The following LARS1 variants were observed in gnomAD, a reference collection of about 807,000 sequenced individuals.
LARS1 encodes the protein leucine--tRNA ligase, cytoplasmic.
In LARS1, 100 loss-of-function variants were observed where a neutral mutation model predicts 162.8. The ratio of observed to expected loss-of-function variants is 0.61; its 90% CI spans 0.52 to 0.73. LARS1 has a LOEUF of 0.73. LARS1 is among the 30% of genes least tolerant of loss of function. LARS1 has a pLI of 0.00. For missense variants in LARS1, 1,258 were observed against 1,408.9 expected (o/e 0.89, Z 1.71); for synonymous variants, 457 against 462.8 (o/e 0.99, Z 0.16).
chr5:146,167,781 G>A (rs1038391967), intron 5 of LARS1, among the ~76,000 whole-genome samples: 15 of 151,594 alleles, frequency 9.9e-5, no homozygotes, highest in African/African-American at 1.5e-4. Context: ...CGCCCGCCTC[G>A]GCCTCCCCAA....
chr5:146,157,349 G>T, intron 10 of LARS1, 54 bp downstream of exon 10: 1 of 1,465,736 alleles, frequency 6.8e-7, no homozygotes, highest in African/African-American at 1.4e-5. Context: ...ATTCATTGTT[G>T]AAATTTTCCT....
intron 23 of LARS1, 79 bp downstream of exon 23, chr5:146,132,819 A>T: frequency 9.1e-7 from 1 of 1,099,030 alleles, no homozygotes. Flanking sequence ...AAAAAAAAGA[A>T]AAGAAAAGAA....
rs763708339 is a variant in LARS1, at chr5:146,130,097, C to T, written c.2549G>A (p.Arg850Gln). ...GAGAAGTGTCTGAACTTCAATAAAC[C>T]GGAACACAAGTTCTCTGTGCATCCC... ...VEGMHRELVF[R>Q]FIEVQTLLLA... The change falls in exon 25 of 32, where the codon CGG (arginine) becomes CAG (glutamine). Residue 850 changes from arginine (R) to glutamine (Q), a missense_variant. Coordinates refer to ENST00000394434, the MANE Select transcript of LARS1 (RefSeq NM_020117.11). 7.3e-5 allele frequency: 117 copies of T among 1,613,750 alleles called. No individual in the cohort carries two copies. The highest frequency in any genetic ancestry group is 2.3e-4 in the Admixed American group (14 of 59,972).
At chr5:146,127,333 G>A (rs73315744) in intron 27 of LARS1, among the ~76,000 whole-genome samples, 4,413 of 152,032 alleles carry the variant, frequency 0.029, 219 homozygotes, top group African/African-American at 0.1. Context: ...AAAAGGGTGG[G>A]AAACACTCCT....
chr5:146,171,853 G>T, intron 4 of LARS1, 57 bp downstream of exon 4: 1 of 1,226,108 alleles, frequency 8.2e-7, no homozygotes, highest in Non-Finnish European at 1.2e-6. Context: ...CTTGAATTGG[G>T]TATTACTATT....
In LARS1 at chr5:146,182,346, G is replaced by C. The variant is rs921274807; in HGVS notation, c.6+142C>G. On this transcript the variant is annotated intron_variant, in intron 1 of 31. Transcript: ENST00000394434. ...GTGGTTCATAAACTAGCAAGAAAAA[G>C]CAAAGTCTCTACGAAAGGCACGCCT... The C allele has an allele frequency of 4.7e-6, 5 of 1,071,228 alleles. No homozygotes were observed. In the African/African-American group the frequency reaches 7.9e-5, roughly 17 times the overall value. 66.4% of individuals were successfully genotyped at this position (1,071,228 alleles called of 1,614,324 possible).
intron 10 of LARS1, among the ~76,000 whole-genome samples, chr5:146,156,431 C>T (rs1477416467): frequency 2.0e-5 from 3 of 152,116 alleles, no homozygotes; most frequent in Non-Finnish European, 4.4e-5. Context: ...CAGTGGCTTA[C>T]GCCTGTAATC....
At chr5:146,169,125 AAGAT>A (rs1352826509) in intron 4 of LARS1, among the ~76,000 whole-genome samples, 4 of 151,650 alleles carry the variant, frequency 2.6e-5, no homozygotes, top group African/African-American at 9.7e-5. Flanking sequence ...GAAAGAAAGA[AAGAT>A]AGATTACTGT....
chr5:146,120,837 T>C (rs1379721664), intron 30 of LARS1, among the ~76,000 whole-genome samples: 1 of 152,180 alleles, frequency 6.6e-6, no homozygotes, highest in African/African-American at 2.4e-5. Context: ...TCTATATCCC[T>C]GAAGTAGTTC....
chr5:146,122,582 T>C lies in LARS1; in HGVS notation c.3102A>G (p.Glu1034=), dbSNP rs775606040. ...IVYLTNSLEL[E]HIEVKFASEA... is the part of the protein sequence containing the mutation. ...CGGAGGCAAACTTGACTTCTATGTGTTCTAGCTAAACAGACGGGAAAAAAT... is the reference window on the plus strand; with the variant it reads ...CGGAGGCAAACTTGACTTCTATGTGCTCTAGCTAAACAGACGGGAAAAAAT... Residue 1034 remains glutamate (E), a synonymous_variant, in exon 30 of 32, where the codon GAA becomes GAG. Coordinates refer to ENST00000394434, the MANE Select transcript of LARS1 (RefSeq NM_020117.11). 1.9e-6 allele frequency: 3 copies of C among 1,598,332 alleles called. No homozygotes were observed. The highest frequency in any genetic ancestry group is 2.2e-5 in the East Asian group (1 of 44,686).
At position 146,178,811 on chromosome 5, in the gene LARS1, T is replaced by C. The variant is rs535123130; in HGVS notation, c.7-1146A>G. 3.2e-4 allele frequency among the ~76,000 whole-genome samples: 49 copies of C among 152,094 alleles called. 1 individual carries two copies. Among genetic ancestry groups the C allele is most frequent in the Middle Eastern group, 3.4e-3 (1 of 294 alleles). On this transcript the variant is annotated intron_variant, in intron 1 of 31. Transcript: ENST00000394434. ...TCAAAACCTCTTCTTAATAAGTAACTTGGCTGGATGTAGTGCCTCATGTCT... is the reference window on the plus strand; with the variant it reads ...TCAAAACCTCTTCTTAATAAGTAACCTGGCTGGATGTAGTGCCTCATGTCT...
intron 5 of LARS1, among the ~76,000 whole-genome samples, chr5:146,166,437 C>G (rs1183902649): frequency 6.6e-6 from 1 of 152,136 alleles, no homozygotes. Context: ...TAGCCAGGCA[C>G]AGAGGTATAA....
intron 18 of LARS1, 120 bp downstream of exon 18, chr5:146,144,147 A>G: frequency 1.4e-6 from 1 of 710,746 alleles, no homozygotes; most frequent in Admixed American, 2.9e-5. Flanking sequence ...CATCCAGAGG[A>G]AACTTACTGC....
rs185113041 is a variant in LARS1 at position 146,143,835 on chromosome 5, C to G, written c.1739-285G>C. Among the ~76,000 whole-genome samples, 152 of 151,984 alleles carry G rather than the reference C, an allele frequency of 1.0e-3. 2 individuals are homozygous for G. Among genetic ancestry groups the G allele is most frequent in the Middle Eastern group, 3.4e-3 (1 of 294 alleles). On this transcript the variant is annotated intron_variant, in intron 18 of 31. Coordinates refer to ENST00000394434, the MANE Select transcript of LARS1 (RefSeq NM_020117.11). ...CCAACATGGTGAAACCCCGTCTCTACTAAAAGTACAAAAAAAATTAGCCAG... is the reference window on the plus strand; with the variant it reads ...CCAACATGGTGAAACCCCGTCTCTAGTAAAAGTACAAAAAAAATTAGCCAG...
Position 146,129,877 on chromosome 5 carries a change from A to T in LARS1, c.2628+141T>A, listed in dbSNP as rs1033596698. ...GGAGATAGCTCTGGTTTAACCCGTCATAATTATGATGCTGAATCCAGCATT... is the reference window on the plus strand; with the variant it reads ...GGAGATAGCTCTGGTTTAACCCGTCTTAATTATGATGCTGAATCCAGCATT... On this transcript the variant is annotated intron_variant, in intron 25 of 31. Transcript: ENST00000394434. 4.8e-6 allele frequency: 4 copies of T among 829,942 alleles called. No homozygotes were observed. The African/African-American group carries it at 5.2e-5, about 11-fold the overall frequency. The allele number at this position is 829,942 out of a possible 1,614,324, so 51.4% of individuals were successfully genotyped here.
intron 2 of LARS1, among the ~76,000 whole-genome samples, chr5:146,176,895 T>C (rs745461693): frequency 1.3e-5 from 2 of 152,034 alleles, no homozygotes; most frequent in Non-Finnish European, 2.9e-5. Context: ...CGTCTATGAG[T>C]CTAATAGAAT....
intron 8 of LARS1, 113 bp from the exon 9 acceptor site, chr5:146,157,908 AT>A (rs974688877): frequency 5.5e-4 from 541 of 985,802 alleles, no homozygotes; most frequent in Non-Finnish European, 6.5e-4. Flanking sequence ...TGCATTATTA[AT>A]TTTTTTTTGC....
chr5:146,133,153 A>G, intron 22 of LARS1, 72 bp from the exon 23 acceptor site: 1 of 1,308,852 alleles, frequency 7.6e-7, no homozygotes, highest in Non-Finnish European at 1.1e-6. Context: ...CTATGTGTCC[A>G]GTTGGATACC....
chr5:146,114,433 G>T, intron 31 of LARS1, 122 bp from the exon 32 acceptor site: 1 of 805,144 alleles, frequency 1.2e-6, no homozygotes, highest in South Asian at 1.8e-5. Context: ...ATTTTCTTCA[G>T]ATTATTAAAT....
Sources: gnomAD v4.1 joint callset for allele counts (sites outside exome capture counted in the v4.1 genomes callset) on GRCh38, gnomAD v4.1.1 for gene constraint, MANE v1.5 for transcripts, NCBI Gene and HGNC (gene_info 2026-07-23, HGNC 2026-07-21) for gene names.